The following DLG2 variants were observed in gnomAD, a reference collection of about 807,000 sequenced individuals.
DLG2 encodes the protein discs large MAGUK scaffold protein 2.
DLG2 carries 45 observed loss-of-function variants against 132.5 expected under a neutral mutation model. The observed-to-expected ratio is 0.34, with a 90% confidence interval of 0.27 to 0.44. The LOEUF is 0.44. Among genes scored for constraint, DLG2 ranks in the 20% least tolerant of loss-of-function variants. The probability of loss-of-function intolerance (pLI) is 1.00; values close to 1 mark genes in which losing one functional copy is unlikely to be tolerated. For missense variants in DLG2, 1,045 were observed against 1,196.9 expected, an observed-to-expected ratio of 0.87 and a Z score of 1.87; for synonymous variants, 424 against 419.6, an observed-to-expected ratio of 1.01 and a Z score of -0.13.
intron 5 of DLG2, among the ~76,000 whole-genome samples, chr11:85,144,698 G>A (rs2076729212): frequency 6.6e-6 from 1 of 151,666 alleles, no homozygotes; most frequent in African/African-American, 2.4e-5. Context: ...CAAGCAAAGA[G>A]AAAACTTAAA....
chr11:84,501,078 AG>A (rs2099203176), intron 7 of DLG2, among the ~76,000 whole-genome samples: 1 of 152,192 alleles, frequency 6.6e-6, no homozygotes, highest in East Asian at 1.9e-4. Flanking sequence ...GACTCATAAT[AG>A]GTTGTCAAAC....
chr11:84,735,544 C>T (rs2153817011), intron 6 of DLG2, among the ~76,000 whole-genome samples: 3 of 152,180 alleles, frequency 2.0e-5, no homozygotes, highest in Middle Eastern at 6.8e-3. Context: ...CGTTATTAGT[C>T]TTACTAGCGG....
rs992586665 is a variant in DLG2 at position 85,041,343 on chromosome 11, A to G, written c.357+70318T>C. 2.6e-5 allele frequency among the ~76,000 whole-genome samples: 4 copies of G among 152,086 alleles called. No homozygotes were observed. The East Asian group carries it at 7.7e-4, about 29-fold the overall frequency. ...AAGTGCCTCTTTATTGCTGGATTTT[A>G]TATTCCAAGTTTCTGCTTCATCAGC... On this transcript the variant is annotated intron_variant, in intron 6 of 27. Coordinates refer to ENST00000376104, the MANE Select transcript of DLG2 (RefSeq NM_001142699.3).
chr11:84,986,594 T>C (rs1292292020), intron 6 of DLG2, among the ~76,000 whole-genome samples: 2 of 152,180 alleles, frequency 1.3e-5, no homozygotes, highest in Non-Finnish European at 2.9e-5. Context: ...GTGGGTTTCA[T>C]ACCAGGGATC....
chr11:85,288,281 A>T (rs1400803877), intron 3 of DLG2, among the ~76,000 whole-genome samples: 1 of 152,106 alleles, frequency 6.6e-6, no homozygotes, highest in East Asian at 1.9e-4. Flanking sequence ...CTACAACTTT[A>T]TTCTCCACTA....
intron 15 of DLG2, among the ~76,000 whole-genome samples, chr11:83,915,123 G>C (rs971582616): frequency 6.6e-6 from 1 of 152,160 alleles, no homozygotes; most frequent in Non-Finnish European, 1.5e-5. Context: ...AGGCAACAGA[G>C]GCAAGTGTAC....
At chr11:85,156,858 G>A (rs1360138643) in intron 4 of DLG2, among the ~76,000 whole-genome samples, 3 of 152,194 alleles carry the variant, frequency 2.0e-5, no homozygotes, top group Non-Finnish European at 4.4e-5. Flanking sequence ...TTCATTGTTT[G>A]TACATTTGTT....
chr11:84,619,441 T>C (rs184967762), intron 6 of DLG2, among the ~76,000 whole-genome samples: 121 of 151,838 alleles, frequency 8.0e-4, no homozygotes, highest in Non-Finnish European at 1.4e-3. Context: ...TCTGAAACAT[T>C]TATGTTAAAG....
In DLG2 at chr11:85,220,637, A is replaced by AAATATATATATAT. The variant is rs371263007; in HGVS notation, c.186+64582_186+64583insATATATATATATT. On this transcript the variant is annotated intron_variant, in intron 4 of 27. Transcript: ENST00000376104. ...GTTTATTATATCAAATAGAAAAAAAAATATATATATATATATAACTTTATT... is the reference window on the plus strand; with the variant it reads ...GTTTATTATATCAAATAGAAAAAAAAAATATATATATATATATATATATATATATAACTTTATT... Among the ~76,000 whole-genome samples, 1,098 of 148,192 alleles carry AAATATATATATAT rather than the reference A, an allele frequency of 7.4e-3. 16 individuals are homozygous for AAATATATATATAT. The highest frequency in any genetic ancestry group is 0.026 in the African/African-American group (1,036 of 40,292).
chr11:83,887,964 C>G (rs1412890365), intron 15 of DLG2, among the ~76,000 whole-genome samples: 2 of 138,384 alleles, frequency 1.4e-5, no homozygotes, highest in African/African-American at 2.7e-5. Context: ...ATAATAAGAG[C>G]TATCTATGAC....
intron 17 of DLG2, among the ~76,000 whole-genome samples, chr11:83,823,649 A>T (rs2051530750): frequency 6.9e-6 from 1 of 144,588 alleles, no homozygotes; most frequent in Non-Finnish European, 1.5e-5. Flanking sequence ...AAGATGAGTC[A>T]TTCATTCATT....
chr11:84,811,653 A>G (rs2153972418), intron 6 of DLG2, among the ~76,000 whole-genome samples: 1 of 152,262 alleles, frequency 6.6e-6, no homozygotes, highest in East Asian at 1.9e-4. Flanking sequence ...TCTCCCCCAC[A>G]TGATTATATG....
chr11:83,958,832 A>G (rs530416148), intron 14 of DLG2, among the ~76,000 whole-genome samples: 3 of 152,270 alleles, frequency 2.0e-5, no homozygotes, highest in African/African-American at 7.2e-5. Context: ...AGCCAAAAAA[A>G]TAGTGCACAT....
At chr11:84,554,120 A>C (rs1164243149) in intron 6 of DLG2, among the ~76,000 whole-genome samples, 1 of 152,144 alleles carries the variant, frequency 6.6e-6, no homozygotes, top group African/African-American at 2.4e-5. Flanking sequence ...ATCTTCGTCC[A>C]TTCAGTTCAT....
chr11:85,533,739 A>ATT lies in DLG2; in HGVS notation c.40+64917_40+64918insAA, dbSNP rs563538962. 2.9e-3 allele frequency among the ~76,000 whole-genome samples: 434 copies of ATT among 152,264 alleles called. 1 individual carries two copies. Among genetic ancestry groups the ATT allele is most frequent in the African/African-American group, 0.01 (423 of 41,570 alleles). ...GTTTGTTTGATCTACCTCTTGTAAGAATCTATCTGGATTGTGAATCGGAAA... is the reference window on the plus strand; with the variant it reads ...GTTTGTTTGATCTACCTCTTGTAAGATTATCTATCTGGATTGTGAATCGGAAA... On this transcript the variant is annotated intron_variant, in intron 3 of 27. Transcript: ENST00000376104.
intron 6 of DLG2, among the ~76,000 whole-genome samples, chr11:85,089,807 AC>A (rs776216779): frequency 6.6e-6 from 1 of 152,218 alleles, no homozygotes; most frequent in African/African-American, 2.4e-5. Context: ...CAAGCGGCCA[AC>A]AAAAATATGA....
At chr11:83,586,627 ACTGTT>A (rs1565923933) in intron 19 of DLG2, among the ~76,000 whole-genome samples, 1 of 152,206 alleles carries the variant, frequency 6.6e-6, no homozygotes, top group Non-Finnish European at 1.5e-5. Context: ...AGTGCCACAT[ACTGTT>A]CTAAGTTTGT....
At chr11:84,678,256 G>T (rs1316016901) in intron 6 of DLG2, among the ~76,000 whole-genome samples, 3 of 152,024 alleles carry the variant, frequency 2.0e-5, no homozygotes, top group Non-Finnish European at 4.4e-5. Flanking sequence ...GTAAACTAAT[G>T]ACACACACTT....
At chr11:84,271,864 G>T (rs1056799644) in intron 7 of DLG2, among the ~76,000 whole-genome samples, 2 of 151,040 alleles carry the variant, frequency 1.3e-5, no homozygotes, top group Non-Finnish European at 2.9e-5. Context: ...TCAAGAAGGG[G>T]GAAGATAACC....
Sources: gnomAD v4.1 joint callset for allele counts (sites outside exome capture counted in the v4.1 genomes callset) on GRCh38, gnomAD v4.1.1 for gene constraint, MANE v1.5 for transcripts, NCBI Gene and HGNC (gene_info 2026-07-23, HGNC 2026-07-21) for gene names.